MTSS2: variants seen among roughly 807,000 people sequenced by gnomAD.
The protein encoded by MTSS2 is protein MTSS 2.
A neutral mutation model predicts 67.1 loss-of-function variants in MTSS2; 27 were observed. That is an observed-to-expected ratio of 0.40 (90% CI 0.30 to 0.55). The LOEUF (loss-of-function observed/expected upper bound fraction) is 0.55, where lower values mean the gene tolerates loss of function less well. Ranked by LOEUF, MTSS2 falls within the 20% of genes least tolerant of loss-of-function variation. The pLI is 0.43. For missense variants in MTSS2, 1,171 were observed against 1,067.8 expected, an observed-to-expected ratio of 1.10 and a Z score of -1.35; for synonymous variants, 624 against 468.6, an observed-to-expected ratio of 1.33 and a Z score of -4.28.
chr16:70,678,996 G>C (rs1422568316), intron 7 of MTSS2, among the ~76,000 whole-genome samples: 2 of 152,216 alleles, frequency 1.3e-5, no homozygotes, highest in East Asian at 3.9e-4. Context: ...ATGATGAGAT[G>C]GCAGGTGAGG....
chr16:70,666,673 G>C (rs762365174), intron 11 of MTSS2, among the ~76,000 whole-genome samples: 3 of 152,224 alleles, frequency 2.0e-5, no homozygotes, highest in African/African-American at 7.2e-5. Context: ...CACCTGTGAG[G>C]ATTTGGAGGA....
chr16:70,682,595 C>T (rs1046589571), intron 1 of MTSS2, among the ~76,000 whole-genome samples: 2 of 151,954 alleles, frequency 1.3e-5, no homozygotes, highest in Non-Finnish European at 2.9e-5. Flanking sequence ...GAGGCCAGGC[C>T]ATTTCCCCTC....
At chr16:70,670,102 C>G (rs1279571565) in intron 11 of MTSS2, among the ~76,000 whole-genome samples, 1 of 151,528 alleles carries the variant, frequency 6.6e-6, no homozygotes, top group Non-Finnish European at 1.5e-5. Context: ...AAAACCCCAT[C>G]TCTACTAAAA....
chr16:70,680,203 G>T (rs1234699456), intron 3 of MTSS2, 148 bp from the exon 4 acceptor site: 2 of 276,390 alleles, frequency 7.2e-6, no homozygotes, highest in East Asian at 1.0e-4. Flanking sequence ...GGCCCTGGGG[G>T]ATTCGGGGCC....
rs772667298 is a variant in MTSS2 at position 70,665,133 on chromosome 16, G to A, written c.1129-37C>T. 3.1e-5 allele frequency: 48 copies of A among 1,563,988 alleles called. No individual in the cohort carries two copies. The East Asian group carries it at 9.5e-4, about 31-fold the overall frequency. On this transcript the variant is annotated intron_variant, in intron 12 of 14. Transcript: ENST00000338779. ...GTGTGGCAGGTCAGGGGGACCACTG[G>A]CCCTACCACCTATGGCCCGGGGGCC... is the stretch of plus-strand genomic sequence containing the variant.
intron 11 of MTSS2, among the ~76,000 whole-genome samples, chr16:70,670,383 A>G (rs984602100): frequency 6.6e-6 from 1 of 152,234 alleles, no homozygotes; most frequent in Non-Finnish European, 1.5e-5. Flanking sequence ...AAATCTGAAG[A>G]TGTGCATATC....
Position 70,663,860 on chromosome 16 carries a change from T to G in MTSS2, c.2061A>C (p.Ala687=), listed in dbSNP as rs749391393. 4.5e-6 allele frequency: 7 copies of G among 1,542,406 alleles called. No homozygotes were observed. The East Asian group carries it at 1.7e-4, about 38-fold the overall frequency. The stretch of plus-strand genomic sequence containing the variant: ...GGAAGGGGAACTGGCCCTCACCCAG[T>G]GCGTGGGCACCCGCCACCAGCTCCC... The part of the protein sequence containing the change: ...KLGELVAGAH[A]LGEGQFPFPT... Residue 687 remains alanine, a synonymous_variant, in exon 15 of 15, where the codon GCA becomes GCC. Coordinates refer to ENST00000338779, the MANE Select transcript of MTSS2 (RefSeq NM_138383.3).
intron 11 of MTSS2, among the ~76,000 whole-genome samples, chr16:70,672,829 C>A (rs1034786916): frequency 1.3e-5 from 2 of 151,930 alleles, no homozygotes; most frequent in South Asian, 4.2e-4. Context: ...AACTGGAATC[C>A]CTGAGGACAG....
At position 70,679,695 on chromosome 16, in the gene MTSS2, C is replaced by T. The variant is rs775149675; in HGVS notation, c.392G>A (p.Arg131Gln). Reference protein sequence around the residue: ...LDKDHAKEYKRARHEIKKKSS... With the variant: ...LDKDHAKEYKQARHEIKKKSS... Reference sequence around the variant, plus strand: ...CTTCTTTTTGATCTCATGCCGGGCTCGTTTGTACTCTGCAGAAGGGGAGAG... The same window carrying T: ...CTTCTTTTTGATCTCATGCCGGGCTTGTTTGTACTCTGCAGAAGGGGAGAG... Residue 131 changes from arginine (R) to glutamine (Q), a missense_variant, in exon 6 of 15, where the codon CGA becomes CAA. Around this residue, in one of 2 missense-constraint regions of MTSS2, gnomAD observed 247 missense variants for 311.8 expected, o/e 0.79. Transcript: ENST00000338779. 1 of 1,611,402 alleles carries T rather than the reference C, an allele frequency of 6.2e-7. No individual in the cohort carries two copies. The highest frequency in any genetic ancestry group is 1.1e-5 in the South Asian group (1 of 90,462).
At chr16:70,681,743 C>T (rs1333402498) in intron 1 of MTSS2, among the ~76,000 whole-genome samples, 1 of 152,230 alleles carries the variant, frequency 6.6e-6, no homozygotes, top group Admixed American at 6.5e-5. Flanking sequence ...CCCAGCCTGG[C>T]CCAAGGCTCC....
At position 70,661,472 on chromosome 16, in the gene MTSS2, A is replaced by AAAGT; in HGVS notation, c.*2201_*2204dup. 2.8e-6 allele frequency: 1 copy of AAAGT among 356,894 alleles called. No individual in the cohort carries two copies. The highest frequency in any genetic ancestry group is 2.1e-5 in the South Asian group (1 of 47,962). 22.1% of individuals were successfully genotyped at this position (356,894 alleles called of 1,614,324 possible). ...GGAACGAGTTAACAACAGCACCAGG[A>AAAGT]AAGTTACTTCAGTCAAAAGACGCTT... On this transcript the variant is annotated 3_prime_UTR_variant, in exon 15 of 15. Transcript: ENST00000338779.
chr16:70,685,625 G>A (rs527536386), intron 1 of MTSS2, 98 bp downstream of exon 1: 2 of 681,884 alleles, frequency 2.9e-6, no homozygotes, highest in Non-Finnish European at 3.8e-6. Context: ...CAGACACCGC[G>A]GCGCGCGGCC....
chr16:70,682,333 C>A (rs974224686), intron 1 of MTSS2, among the ~76,000 whole-genome samples: 1 of 152,194 alleles, frequency 6.6e-6, no homozygotes, highest in Non-Finnish European at 1.5e-5. Context: ...CTCATGCCAC[C>A]TATGCCTGGA....
Position 70,679,893 on chromosome 16 carries a change from G to C in MTSS2, c.291-16C>G, listed in dbSNP as rs757456456. The C allele has an allele frequency of 6.3e-7, 1 of 1,584,248 alleles. No individual in the cohort carries two copies. Among genetic ancestry groups the C allele is most frequent in the African/African-American group, 1.3e-5 (1 of 74,526 alleles). ...CAGCAGTGCGCTGCGGAGGGCGGGCGGGAGCGCAGGTCAGGGCCGGGCTCC... is the reference window on the plus strand; with the variant it reads ...CAGCAGTGCGCTGCGGAGGGCGGGCCGGAGCGCAGGTCAGGGCCGGGCTCC... On this transcript the variant is annotated splice_polypyrimidine_tract_variant and intron_variant, in intron 4 of 14. Transcript: ENST00000338779.
chr16:70,679,945 C>T, intron 4 of MTSS2, 26 bp downstream of exon 4: 1 of 1,485,676 alleles, frequency 6.7e-7, no homozygotes, highest in Non-Finnish European at 8.9e-7. Flanking sequence ...CCCCCGCCCC[C>T]CTGCCCGCCC....
At chr16:70,677,043 C>G (rs1042129972) in intron 9 of MTSS2, 65 bp from the exon 10 acceptor site, 4 of 1,240,172 alleles carry the variant, frequency 3.2e-6, no homozygotes, top group Non-Finnish European at 4.5e-6. Flanking sequence ...GCCAGAGGCC[C>G]CCCCCCACTC....
chr16:70,664,971 G>A lies in MTSS2; in HGVS notation c.1254C>T (p.Ser418=), dbSNP rs755940702. ...GPASGGTLGP[S]GEEAPRPRMS... is the part of the protein sequence containing the mutation. ...TCCGGGGTCGCGGTGCCTCTTCCCC[G>A]CTGGGGCCCAGGGTGCCCCCACTGG... is the stretch of plus-strand genomic sequence containing the variant. Residue 418 remains serine, a synonymous_variant, in exon 13 of 15, where the codon AGC becomes AGT. Coordinates refer to ENST00000338779, the MANE Select transcript of MTSS2 (RefSeq NM_138383.3). 3.9e-5 allele frequency: 62 copies of A among 1,579,974 alleles called. No homozygotes were observed. The Middle Eastern group carries it at 9.6e-4, about 24-fold the overall frequency.
chr16:70,680,236 C>T (rs1366334032), intron 3 of MTSS2, among the ~76,000 whole-genome samples, 181 bp from the exon 4 acceptor site: 7 of 152,008 alleles, frequency 4.6e-5, no homozygotes, highest in Non-Finnish European at 1.0e-4. Flanking sequence ...ACCAGCTCTT[C>T]CTCCGCCATC....
chr16:70,670,711 C>T (rs573283108), intron 11 of MTSS2, among the ~76,000 whole-genome samples: 1 of 152,068 alleles, frequency 6.6e-6, no homozygotes, highest in Non-Finnish European at 1.5e-5. Flanking sequence ...TGCCTGAAAT[C>T]CCAGTGATTT....
Sources: allele counts gnomAD v4.1 joint callset (sites outside exome capture counted in the v4.1 genomes callset), GRCh38; gene constraint gnomAD v4.1.1; regional missense constraint gnomAD v4.1.1; transcripts MANE v1.5; gene names NCBI Gene and HGNC (gene_info 2026-07-23, HGNC 2026-07-21).